Variants in MS4A4E observed in about 807,000 individuals in gnomAD.
The protein encoded by MS4A4E is putative membrane-spanning 4-domains subfamily A member 4E.
MS4A4E carries 23 observed loss-of-function variants against 13.3 expected under a neutral mutation model. That is an observed-to-expected ratio of 1.73 (90% CI 1.25 to 2.45). The LOEUF is 2.45. Among genes scored for constraint, MS4A4E ranks in the 30% most tolerant of loss-of-function variants. MS4A4E has a pLI of 0.00. For synonymous variants in MS4A4E, 36 were observed against 45.6 expected, an observed-to-expected ratio of 0.79 and a Z score of 0.85; for missense variants, 144 against 131.2, an observed-to-expected ratio of 1.10 and a Z score of -0.48.
chr11:60,214,738 T>C (rs2084169317), intron 3 of MS4A4E, 124 bp from the exon 4 acceptor site: 1 of 496,642 alleles, frequency 2.0e-6, no homozygotes, highest in South Asian at 4.6e-5. Flanking sequence ...AGGTCAATTA[T>C]CTTAGAAAGC....
At chr11:60,204,487 C>T (rs917832680) in intron 8 of MS4A4E, among the ~76,000 whole-genome samples, 14 of 152,204 alleles carry the variant, frequency 9.2e-5, no homozygotes, top group African/African-American at 2.7e-4. Context: ...ATGACTGACA[C>T]ATTTCCAATC....
At chr11:60,208,981 G>T (rs1287707303) in intron 5 of MS4A4E, 1 of 176,428 alleles carries the variant, frequency 5.7e-6, no homozygotes, top group Non-Finnish European at 1.2e-5. Flanking sequence ...GTAGTATAAA[G>T]ATAATTGTCA....
chr11:60,236,993 T>G (rs1359986327), intron 1 of MS4A4E, among the ~76,000 whole-genome samples: 1 of 152,068 alleles, frequency 6.6e-6, no homozygotes, highest in East Asian at 1.9e-4. Context: ...ACCTCAGCCT[T>G]CCAAAGTTCT....
At chr11:60,214,533 T>A in intron 4 of MS4A4E, 38 bp downstream of exon 4, 2 of 1,430,592 alleles carry the variant, frequency 1.4e-6, no homozygotes, top group Non-Finnish European at 1.9e-6. Flanking sequence ...TATTGATTAA[T>A]CCTTTCCTTT....
At chr11:60,233,697 A>C (rs978039176) in intron 1 of MS4A4E, among the ~76,000 whole-genome samples, 4 of 152,206 alleles carry the variant, frequency 2.6e-5, no homozygotes, top group Non-Finnish European at 4.4e-5. Context: ...ATCAAAGAAT[A>C]TCACATATAG....
chr11:60,217,412 C>CT (rs377765574), intron 3 of MS4A4E, among the ~76,000 whole-genome samples: 24 of 148,806 alleles, frequency 1.6e-4, no homozygotes, highest in Admixed American at 2.0e-4. Context: ...TCTCAGGAGC[C>CT]TTTTTTTTGC....
At chr11:60,237,697 T>C (rs1205945798) in intron 1 of MS4A4E, among the ~76,000 whole-genome samples, 1 of 152,196 alleles carries the variant, frequency 6.6e-6, no homozygotes, top group Non-Finnish European at 1.5e-5. Context: ...ATTTCTCTAA[T>C]GATCAGTGAT....
Position 60,214,671 on chromosome 11 carries a change from G to A in MS4A4E, c.179-57C>T, listed in dbSNP as rs183375097. ...AATGGAGATAAAAAGTTTTAAACAA[G>A]TATTGGAAATCACAACTTAGTAAAC... is the stretch of plus-strand genomic sequence containing the variant. On this transcript the variant is annotated intron_variant, in intron 3 of 8. Transcript: ENST00000651255. The A allele has an allele frequency of 7.4e-3, 8,689 of 1,180,338 alleles. 42 individuals are homozygous for A. The highest frequency in any genetic ancestry group is 8.0e-3 in the Non-Finnish European group (6,811 of 846,236). The allele number at this position is 1,180,338 out of a possible 1,614,324, so 73.1% of individuals were successfully genotyped here.
At chr11:60,202,760 G>C (rs1208826586) in intron 8 of MS4A4E, among the ~76,000 whole-genome samples, 1 of 152,150 alleles carries the variant, frequency 6.6e-6, no homozygotes, top group Non-Finnish European at 1.5e-5. Context: ...ATCTGTAGAA[G>C]TTAAATACTC....
intron 1 of MS4A4E, among the ~76,000 whole-genome samples, chr11:60,232,936 C>T (rs556646741): frequency 8.3e-4 from 127 of 152,250 alleles, no homozygotes; most frequent in African/African-American, 2.9e-3. Flanking sequence ...CACCCTGCCC[C>T]TCCAAACTCA....
chr11:60,210,405 A>T (rs1453849220), intron 5 of MS4A4E, among the ~76,000 whole-genome samples: 3 of 152,208 alleles, frequency 2.0e-5, no homozygotes, highest in Admixed American at 6.5e-5. Context: ...GGTGACTGAA[A>T]TGAATGCAGG....
chr11:60,205,459 T>C (rs1433220307), intron 7 of MS4A4E, among the ~76,000 whole-genome samples: 2 of 152,228 alleles, frequency 1.3e-5, no homozygotes, highest in Non-Finnish European at 2.9e-5. Context: ...TGTATATATG[T>C]ACATATGTAT....
intron 3 of MS4A4E, among the ~76,000 whole-genome samples, chr11:60,223,129 T>C (rs1165498862): frequency 6.6e-6 from 1 of 152,104 alleles, no homozygotes; most frequent in Non-Finnish European, 1.5e-5. Flanking sequence ...AAGGCTGTCA[T>C]CAATACCAGC....
chr11:60,214,771 C>A, intron 3 of MS4A4E, 157 bp from the exon 4 acceptor site: 1 of 440,754 alleles, frequency 2.3e-6, no homozygotes, highest in Non-Finnish European at 3.9e-6. Flanking sequence ...ATAATTTTCT[C>A]TTTTCCCAGA....
intron 8 of MS4A4E, among the ~76,000 whole-genome samples, chr11:60,204,300 G>A (rs1448560604): frequency 5.3e-5 from 8 of 152,112 alleles, no homozygotes; most frequent in South Asian, 2.1e-4. Flanking sequence ...TATTTAAAAC[G>A]TCAGGGATTG....
At chr11:60,210,489 G>A (rs901522203) in intron 5 of MS4A4E, among the ~76,000 whole-genome samples, 1 of 152,210 alleles carries the variant, frequency 6.6e-6, no homozygotes, top group Admixed American at 6.5e-5. Context: ...CGAAACTGCT[G>A]TCTTTCTAGG....
intron 1 of MS4A4E, among the ~76,000 whole-genome samples, chr11:60,238,128 T>C (rs2084507054): frequency 6.6e-6 from 1 of 151,784 alleles, no homozygotes; most frequent in Non-Finnish European, 1.5e-5. Context: ...GACATTCATA[T>C]GTAGTTTTGT....
intron 3 of MS4A4E, among the ~76,000 whole-genome samples, chr11:60,216,789 G>A (rs887636106): frequency 6.6e-6 from 1 of 151,972 alleles, no homozygotes; most frequent in Non-Finnish European, 1.5e-5. Context: ...TTGAGTTGGT[G>A]GACTAGGAAA....
At chr11:60,219,150 A>C (rs144909060) in intron 3 of MS4A4E, among the ~76,000 whole-genome samples, 77 of 152,298 alleles carry the variant, frequency 5.1e-4, no homozygotes, top group African/African-American at 1.8e-3. Context: ...TTCAGAAGAT[A>C]TACCCTTGAC....
Sources: gnomAD v4.1 joint callset for allele counts (sites outside exome capture counted in the v4.1 genomes callset) on GRCh38, gnomAD v4.1.1 for gene constraint, MANE v1.5 for transcripts, NCBI Gene and HGNC (gene_info 2026-07-23, HGNC 2026-07-21) for gene names.